Variants in BSN observed in about 807,000 individuals in gnomAD.
BSN encodes protein bassoon.
A neutral mutation model predicts 264.8 loss-of-function variants in BSN; 57 were observed. The ratio of observed to expected loss-of-function variants is 0.22; its 90% CI spans 0.17 to 0.27. The LOEUF is 0.27. Ranked by LOEUF, BSN falls within the 10% of genes least tolerant of loss-of-function variation. The pLI is 1.00. For synonymous variants in BSN, 2,059 were observed against 2,137.3 expected (o/e 0.96, Z 1.01); for missense variants, 4,615 against 5,232.5 (o/e 0.88, Z 3.64).
At position 49,656,407 on chromosome 3, in the gene BSN, A is replaced by T. The variant is rs964807465; in HGVS notation, c.6851A>T (p.Lys2284Ile). 1.3e-6 allele frequency: 2 copies of T among 1,589,728 alleles called. No individual in the cohort carries two copies. The highest frequency in any genetic ancestry group is 1.7e-6 in the Non-Finnish European group (2 of 1,167,264). ...PPAEGPVYLG[K>I]PAAAKAPGAG... The stretch of plus-strand genomic sequence containing the variant: ...GCAGAAGGGCCTGTCTATCTGGGGA[A>T]ACCTGCTGCTGCCAAGGCCCCTGGG... The change falls in exon 5 of 12, where the codon AAA (lysine) becomes ATA (isoleucine). Residue 2284 changes from lysine (K) to isoleucine (I), a missense_variant. By Grantham distance (102) the Lys-to-Ile change is moderately radical. Transcript: ENST00000296452.
Position 49,661,200 on chromosome 3 carries a change from G to A in BSN, c.9355G>A (p.Ala3119Thr), listed in dbSNP as rs1340623174. 1 of 1,613,638 alleles carries A rather than the reference G, an allele frequency of 6.2e-7. No homozygotes were observed. The highest frequency in any genetic ancestry group is 8.5e-7 in the Non-Finnish European group (1 of 1,180,036). Residue 3119 changes from alanine to threonine, a missense_variant, in exon 6 of 12, where the codon GCA (alanine) becomes ACA (threonine). Coordinates refer to ENST00000296452, the MANE Select transcript of BSN (RefSeq NM_003458.4). ...GGCTTTCCGCCCCACAGGCCACTATGCAGGCCAAACACCCATGCCAACCAC... is the reference window on the plus strand; with the variant it reads ...GGCTTTCCGCCCCACAGGCCACTATACAGGCCAAACACCCATGCCAACCAC... ...QQAFRPTGHYAGQTPMPTTQS... is the reference protein window; with the variant it reads ...QQAFRPTGHYTGQTPMPTTQS...
chr3:49,554,884 G>A, intron 1 of BSN, 58 bp downstream of exon 1: 1 of 1,010,558 alleles, frequency 9.9e-7, no homozygotes, highest in South Asian at 4.9e-5. Flanking sequence ...GCCGGGACCC[G>A]GGCCCAGGAT....
intron 1 of BSN, among the ~76,000 whole-genome samples, chr3:49,592,914 T>A (rs2051991893): frequency 6.6e-6 from 1 of 152,226 alleles, no homozygotes; most frequent in Non-Finnish European, 1.5e-5. Context: ...TACTCATTTG[T>A]GTGTGCTTAA....
In BSN at chr3:49,651,605, A is replaced by G. The variant is rs1459944699; in HGVS notation, c.2049A>G (p.Thr683=). Residue 683 remains threonine, a synonymous_variant, in exon 5 of 12, where the codon ACA becomes ACG. Coordinates refer to ENST00000296452, the MANE Select transcript of BSN (RefSeq NM_003458.4). This position sits in a 1 kb window ranked among gnomAD's most constrained non-coding sequence, Gnocchi z 5.4. ...ASRSPQSLSD[T]GYSSDGISSS... is the part of the protein sequence containing the mutation. ...GGAGCCCACAGAGCCTCAGTGACAC[A>G]GGCTATTCCTCTGACGGCATCTCTA... is the stretch of plus-strand genomic sequence containing the variant. The G allele has an allele frequency of 6.2e-6, 10 of 1,613,080 alleles. No homozygotes were observed. Among genetic ancestry groups the G allele is most frequent in the African/African-American group, 1.3e-5 (1 of 74,876 alleles).
At chr3:49,561,253 T>C (rs1039338722) in intron 1 of BSN, among the ~76,000 whole-genome samples, 1 of 152,034 alleles carries the variant, frequency 6.6e-6, no homozygotes, top group African/African-American at 2.4e-5. Flanking sequence ...TGAGGGGAAA[T>C]AGAAGGGATG....
intron 3 of BSN, among the ~76,000 whole-genome samples, chr3:49,649,362 C>G (rs1004967458): frequency 2.0e-5 from 3 of 152,218 alleles, no homozygotes; most frequent in Non-Finnish European, 4.4e-5. Context: ...TGAGTGAGTT[C>G]CCTGCAGGAC....
chr3:49,560,531 C>T (rs1032237365), intron 1 of BSN, among the ~76,000 whole-genome samples: 1 of 152,234 alleles, frequency 6.6e-6, no homozygotes, highest in Non-Finnish European at 1.5e-5. Context: ...GCCCTGCATG[C>T]CTACAGCAAG....
intron 11 of BSN, among the ~76,000 whole-genome samples, chr3:49,667,379 C>T (rs1364825048): frequency 2.0e-5 from 3 of 151,038 alleles, no homozygotes; most frequent in Non-Finnish European, 4.4e-5. Flanking sequence ...CCTGATTCTT[C>T]TTTCTTGCTG....
intron 1 of BSN, among the ~76,000 whole-genome samples, chr3:49,599,210 G>T (rs991353153): frequency 2.6e-5 from 4 of 152,176 alleles, no homozygotes; most frequent in African/African-American, 9.7e-5. Flanking sequence ...GGAGCCGTTT[G>T]TTGCTTGGGG....
At chr3:49,658,398 C>A (rs2052629383) in intron 5 of BSN, among the ~76,000 whole-genome samples, 1 of 152,098 alleles carries the variant, frequency 6.6e-6, no homozygotes, top group Non-Finnish European at 1.5e-5. Flanking sequence ...CAGATACAGA[C>A]ACACACATGG....
In BSN at chr3:49,656,400, C is replaced by T; in HGVS notation, c.6844C>T (p.Leu2282=). The T allele has an allele frequency of 1.3e-6, 2 of 1,589,852 alleles. No homozygotes were observed. Among genetic ancestry groups the T allele is most frequent in the Admixed American group, 1.7e-5 (1 of 57,664 alleles). Residue 2282 remains leucine, a synonymous_variant, in exon 5 of 12, where the codon CTG becomes TTG. Coordinates refer to ENST00000296452, the MANE Select transcript of BSN (RefSeq NM_003458.4). ...TCCACCTGCAGAAGGGCCTGTCTATCTGGGGAAACCTGCTGCTGCCAAGGC... is the reference window on the plus strand; with the variant it reads ...TCCACCTGCAGAAGGGCCTGTCTATTTGGGGAAACCTGCTGCTGCCAAGGC... ...SVPPAEGPVY[L]GKPAAAKAPG...
At chr3:49,593,938 G>T (rs1459772112) in intron 1 of BSN, among the ~76,000 whole-genome samples, 4 of 151,644 alleles carry the variant, frequency 2.6e-5, no homozygotes, top group African/African-American at 9.7e-5. Context: ...GAGTAGCTGG[G>T]ACTACAGGCA....
At chr3:49,605,502 AT>A (rs2052114613) in intron 1 of BSN, among the ~76,000 whole-genome samples, 1 of 6,406 alleles carries the variant, frequency 1.6e-4, no homozygotes, top group African/African-American at 6.5e-4. Context: ...TATATATAAT[AT>A]ATATTATATA....
intron 2 of BSN, among the ~76,000 whole-genome samples, chr3:49,630,796 T>G (rs537104577): frequency 6.6e-6 from 1 of 151,340 alleles, no homozygotes; most frequent in South Asian, 2.1e-4. Flanking sequence ...ATGAATAAAG[T>G]AGGAGTTGGA....
Position 49,657,056 on chromosome 3 carries a change from G to A in BSN, c.7500G>A (p.Gln2500=), listed in dbSNP as rs780912041. 7.5e-6 allele frequency: 12 copies of A among 1,609,844 alleles called. No homozygotes were observed. Among genetic ancestry groups the A allele is most frequent in the Admixed American group, 6.7e-5 (4 of 59,934 alleles). Residue 2500 remains glutamine, a synonymous_variant, in exon 5 of 12, where the codon CAG becomes CAA. Transcript: ENST00000296452. ...LAAAELAQNG[Q]YWPPLTHAAF... Reference sequence around the variant, plus strand: ...CTGCTGAGTTGGCCCAGAATGGCCAGTATTGGCCCCCCCTTACACATGCAG... The same window carrying A: ...CTGCTGAGTTGGCCCAGAATGGCCAATATTGGCCCCCCCTTACACATGCAG...
intron 11 of BSN, among the ~76,000 whole-genome samples, chr3:49,666,289 T>A (rs2052713658): frequency 6.6e-6 from 1 of 152,104 alleles, no homozygotes. Flanking sequence ...GAGCTAGGTG[T>A]GATACCTCAC....
At chr3:49,635,998 A>C (rs945375204) in intron 2 of BSN, among the ~76,000 whole-genome samples, 1 of 151,946 alleles carries the variant, frequency 6.6e-6, no homozygotes, top group Non-Finnish European at 1.5e-5. Flanking sequence ...TACATCGCTG[A>C]TATCAGTATA....
chr3:49,642,673 A>T lies in BSN; in HGVS notation c.1039A>T (p.Thr347Ser). 1 of 1,610,298 alleles carries T rather than the reference A, an allele frequency of 6.2e-7. No individual in the cohort carries two copies. Among genetic ancestry groups the T allele is most frequent in the Non-Finnish European group, 8.5e-7 (1 of 1,177,884 alleles). ...CACTGAGCAGACCCAGGAGGGCCTC[A>T]CTGGTAAGCTCTTCGGCCTTGGCGC... ...GATEQTQEGL[T>S]GKLFGLGASL... Residue 347 changes from threonine to serine, a missense_variant, in exon 3 of 12, where the codon ACT (threonine) becomes TCT (serine). Around this residue, in one of 3 missense-constraint regions of BSN, gnomAD observed 1,197 missense variants for 1,348.0 expected, o/e 0.89. Transcript: ENST00000296452. The surrounding 1 kb of genome is among the most constrained non-coding windows in gnomAD (Gnocchi z 7.0).
chr3:49,568,648 C>G (rs1333633171), intron 1 of BSN, among the ~76,000 whole-genome samples: 1 of 152,164 alleles, frequency 6.6e-6, no homozygotes, highest in Non-Finnish European at 1.5e-5. Flanking sequence ...CCTCCTGATT[C>G]CTTTTTGCAT....
Sources: allele counts gnomAD v4.1 joint callset (sites outside exome capture counted in the v4.1 genomes callset), GRCh38; gene constraint gnomAD v4.1.1; regional missense constraint gnomAD v4.1.1; non-coding constraint Gnocchi (gnomAD v3.1); transcripts MANE v1.5; gene names NCBI Gene and HGNC (gene_info 2026-07-23, HGNC 2026-07-21).